Variants in DACH1 observed in about 807,000 individuals in gnomAD.
The protein encoded by DACH1 is dachshund family transcription factor 1.
Under a neutral mutation model 54.2 loss-of-function variants are expected in DACH1, and 12 were observed. The ratio of observed to expected loss-of-function variants is 0.22; its 90% CI spans 0.14 to 0.36. DACH1 has a LOEUF of 0.36. Ranked by LOEUF, DACH1 falls within the 10% of genes least tolerant of loss-of-function variation. The pLI is 1.00. For synonymous variants in DACH1, 386 were observed against 366.2 expected, an observed-to-expected ratio of 1.05 and a Z score of -0.62; for missense variants, 805 against 929.8, an observed-to-expected ratio of 0.87 and a Z score of 1.75.
At chr13:71,652,541 TCA>T (rs1878759054) in intron 2 of DACH1, among the ~76,000 whole-genome samples, 1 of 152,162 alleles carries the variant, frequency 6.6e-6, no homozygotes, top group Admixed American at 6.5e-5. Flanking sequence ...TCTGATTCCT[TCA>T]CTGTTCTCTT....
intron 3 of DACH1, among the ~76,000 whole-genome samples, chr13:71,622,048 T>C (rs1876287304): frequency 6.6e-6 from 1 of 150,382 alleles, no homozygotes; most frequent in African/African-American, 2.5e-5. Flanking sequence ...CACGCAAAAC[T>C]ATGTGTGCTA....
rs1021382696 is a variant in DACH1 at position 71,866,323 on chromosome 13, G to C, written c.447C>G (p.Ser149Arg). The C allele has an allele frequency of 6.5e-7, 1 of 1,544,978 alleles. No individual in the cohort carries two copies. The highest frequency in any genetic ancestry group is 2.5e-5 in the East Asian group (1 of 40,786). Residue 149 changes from serine (S) to arginine (R), a missense_variant, in exon 1 of 11, where the codon AGC becomes AGG. Around this residue, in one of 3 missense-constraint regions of DACH1, gnomAD observed 305 missense variants for 308.7 expected, o/e 0.99. Transcript: ENST00000613252. The stretch of plus-strand genomic sequence containing the variant: ...TGCTGCTGCTACTACTGCTGCTGCT[G>C]CTGCTGCTGCTACTGCTGCTGCTGC... ...GSSSSSSSSS[S>R]SSSSSSSSSS...
At chr13:71,742,293 C>T (rs1429694267) in intron 1 of DACH1, among the ~76,000 whole-genome samples, 1 of 152,124 alleles carries the variant, frequency 6.6e-6, no homozygotes, top group Non-Finnish European at 1.5e-5. Context: ...CATAGCCCCA[C>T]AGATTAGTTG....
At chr13:71,806,086 C>T (rs1036896136) in intron 1 of DACH1, among the ~76,000 whole-genome samples, 2 of 152,116 alleles carry the variant, frequency 1.3e-5, no homozygotes, top group African/African-American at 2.4e-5. Context: ...GGATTATAGG[C>T]GTCAGCCACT....
At chr13:71,697,136 T>A (rs928680229) in intron 1 of DACH1, among the ~76,000 whole-genome samples, 2 of 152,180 alleles carry the variant, frequency 1.3e-5, no homozygotes, top group Admixed American at 1.3e-4. Context: ...CTATCTGTCT[T>A]GCATATTTCA....
At chr13:71,753,337 T>G (rs2137984233) in intron 1 of DACH1, among the ~76,000 whole-genome samples, 1 of 152,198 alleles carries the variant, frequency 6.6e-6, no homozygotes, top group Admixed American at 6.5e-5. Flanking sequence ...ACACAGTGTA[T>G]TACAGATGAG....
intron 1 of DACH1, among the ~76,000 whole-genome samples, chr13:71,715,304 C>T (rs75483278): frequency 0.03 from 4,564 of 152,138 alleles, 99 homozygotes; most frequent in South Asian, 0.05. Context: ...CCACATCTTC[C>T]CTTCCCTAAC....
At chr13:71,550,514 G>C (rs1234074281) in intron 6 of DACH1, among the ~76,000 whole-genome samples, 1 of 151,988 alleles carries the variant, frequency 6.6e-6, no homozygotes, top group Non-Finnish European at 1.5e-5. Context: ...AAGGCGCATG[G>C]GTAAAAAGTA....
intron 1 of DACH1, among the ~76,000 whole-genome samples, chr13:71,713,133 T>C (rs1272679690): frequency 6.6e-6 from 1 of 151,184 alleles, no homozygotes; most frequent in Non-Finnish European, 1.5e-5. Flanking sequence ...GGTAAAACAA[T>C]AGAAGTGAAC....
rs116003906 is a variant in DACH1, at chr13:71,852,493, G to A, written c.848+13429C>T. Reference sequence around the variant, plus strand: ...AAGAAGCATATCCTTAGAAAATACTGTCCTGGTATACCATTAAGTTTAGAG... The same window carrying A: ...AAGAAGCATATCCTTAGAAAATACTATCCTGGTATACCATTAAGTTTAGAG... On this transcript the variant is annotated intron_variant, in intron 1 of 10. Transcript: ENST00000613252. Among the ~76,000 whole-genome samples the A allele has an allele frequency of 5.4e-3, 824 of 152,062 alleles. 8 individuals carry two copies. The highest frequency in any genetic ancestry group is 0.019 in the African/African-American group (788 of 41,482).
chr13:71,799,956 T>A (rs868408890), intron 1 of DACH1, among the ~76,000 whole-genome samples: 4 of 152,190 alleles, frequency 2.6e-5, no homozygotes, highest in Admixed American at 6.6e-5. Context: ...TTTTTCTATT[T>A]ATGTTTAGAA....
intron 2 of DACH1, among the ~76,000 whole-genome samples, chr13:71,641,185 T>C (rs1232286707): frequency 6.6e-6 from 1 of 151,996 alleles, no homozygotes; most frequent in East Asian, 1.9e-4. Context: ...TAAATAAATG[T>C]TTTTCAAGGA....
intron 1 of DACH1, among the ~76,000 whole-genome samples, chr13:71,785,511 T>A (rs1371882190): frequency 6.6e-6 from 1 of 152,188 alleles, no homozygotes; most frequent in Non-Finnish European, 1.5e-5. Flanking sequence ...GATGCTGTTT[T>A]TAATGACAAT....
At chr13:71,846,560 G>T (rs1873284817) in intron 1 of DACH1, among the ~76,000 whole-genome samples, 1 of 152,196 alleles carries the variant, frequency 6.6e-6, no homozygotes, top group Non-Finnish European at 1.5e-5. Context: ...AACCCCGGAG[G>T]CGGATCTTGC....
Position 71,576,643 on chromosome 13 carries a change from T to C in DACH1, c.1127-3631A>G, listed in dbSNP as rs575144281. On this transcript the variant is annotated intron_variant, in intron 3 of 10. Coordinates refer to ENST00000613252, the MANE Select transcript of DACH1 (RefSeq NM_080759.6). ...ATAGTCAGAAATGATGGGTTACAAATATAAAATGGTTTTCGTTTTCCTCTA... is the reference window on the plus strand; with the variant it reads ...ATAGTCAGAAATGATGGGTTACAAACATAAAATGGTTTTCGTTTTCCTCTA... 4.6e-5 allele frequency among the ~76,000 whole-genome samples: 7 copies of C among 152,262 alleles called. No individual in the cohort carries two copies. The South Asian group carries it at 8.3e-4, about 18-fold the overall frequency.
intron 1 of DACH1, among the ~76,000 whole-genome samples, chr13:71,740,696 G>C (rs542570362): frequency 1.8e-4 from 27 of 152,166 alleles, no homozygotes; most frequent in African/African-American, 6.3e-4. Flanking sequence ...TGGGGTGTGG[G>C]TGTATTTAAT....
In DACH1 at chr13:71,489,148, T is replaced by C. The variant is rs749462010; in HGVS notation, c.1571A>G (p.Asp524Gly). ...GGTTGGTGTAGAAAGCGGGGTCTCA[T>C]CTGCATGTGATTGAAACAAAAATAT... is the stretch of plus-strand genomic sequence containing the variant. ...HESKRMHIEK[D>G]ETPLSTPTAR... Residue 524 changes from aspartate (D) to glycine (G), a missense_variant and splice_region_variant, in exon 7 of 11, where the codon GAT becomes GGT. Physicochemically the swap from Asp to Gly is moderately conservative, Grantham distance 94 (BLOSUM62 -1). Coordinates refer to ENST00000613252, the MANE Select transcript of DACH1 (RefSeq NM_080759.6). The C allele has an allele frequency of 3.1e-6, 5 of 1,611,534 alleles. No homozygotes were observed. Among genetic ancestry groups the C allele is most frequent in the Non-Finnish European group, 4.2e-6 (5 of 1,178,514 alleles).
rs922278706 is a variant in DACH1, at chr13:71,573,068, T to G, written c.1127-56A>C. On this transcript the variant is annotated intron_variant, in intron 3 of 10. Coordinates refer to ENST00000613252, the MANE Select transcript of DACH1 (RefSeq NM_080759.6). Reference sequence around the variant, plus strand: ...TCTGGAGGACATAAATCATTAAAAATTGAAACAGTCAAAAGTTTTCTAATA... The same window carrying G: ...TCTGGAGGACATAAATCATTAAAAAGTGAAACAGTCAAAAGTTTTCTAATA... 2.6e-6 allele frequency: 4 copies of G among 1,520,414 alleles called. No homozygotes were observed. In the African/African-American group the frequency reaches 5.6e-5, roughly 21 times the overall value. The allele number at this position is 1,520,414 out of a possible 1,614,324, so 94.2% of individuals were successfully genotyped here.
chr13:71,447,741 G>A (rs1874598775), intron 10 of DACH1, among the ~76,000 whole-genome samples: 1 of 150,322 alleles, frequency 6.7e-6, no homozygotes, highest in Non-Finnish European at 1.5e-5. Context: ...GCTGAGGCAG[G>A]AGAATTGCTT....
Sources: allele counts gnomAD v4.1 joint callset (sites outside exome capture counted in the v4.1 genomes callset), GRCh38; gene constraint gnomAD v4.1.1; regional missense constraint gnomAD v4.1.1; transcripts MANE v1.5; gene names NCBI Gene and HGNC (gene_info 2026-07-23, HGNC 2026-07-21).